RALYL: variants seen among roughly 807,000 people sequenced by gnomAD.
RALYL encodes the protein RNA-binding Raly-like protein.
A neutral mutation model predicts 35.1 loss-of-function variants in RALYL; 29 were observed. The observed-to-expected ratio is 0.83, with a 90% CI of 0.61 to 1.13. The LOEUF (loss-of-function observed/expected upper bound fraction) is 1.13, where lower values mean the gene tolerates loss of function less well. Among genes scored for constraint, RALYL ranks in the 50% most tolerant of loss-of-function variants. The pLI is 0.00. For synonymous variants in RALYL, 120 were observed against 127.6 expected (o/e 0.94, Z 0.40); for missense variants, 359 against 360.4 (o/e 1.00, Z 0.03).
chr8:84,860,826 A>C (rs1490261421), intron 5 of RALYL, among the ~76,000 whole-genome samples: 1 of 152,084 alleles, frequency 6.6e-6, no homozygotes, highest in African/African-American at 2.4e-5. Flanking sequence ...TAAGTCTCTA[A>C]TGTAGGAGAT....
At chr8:84,774,865 C>T (rs1313073244) in intron 3 of RALYL, among the ~76,000 whole-genome samples, 1 of 152,154 alleles carries the variant, frequency 6.6e-6, no homozygotes, top group Non-Finnish European at 1.5e-5. Flanking sequence ...TTATACAACC[C>T]TTCTACGAGA....
chr8:84,208,115 T>G (rs146280998), intron 1 of RALYL, among the ~76,000 whole-genome samples: 281 of 152,242 alleles, frequency 1.8e-3, no homozygotes, highest in African/African-American at 6.6e-3. Flanking sequence ...ATGGGCTGTT[T>G]GGTACACATA....
intron 2 of RALYL, among the ~76,000 whole-genome samples, chr8:84,725,844 A>G (rs371312822): frequency 6.6e-6 from 1 of 151,746 alleles, no homozygotes; most frequent in Admixed American, 6.6e-5. Flanking sequence ...AATATATTTT[A>G]TGGATATTTT....
chr8:84,595,724 C>G, intron 2 of RALYL, among the ~76,000 whole-genome samples: 1 of 151,178 alleles, frequency 6.6e-6, no homozygotes. Context: ...TTATTTTTTC[C>G]TCTCTAGAAA....
chr8:84,427,858 G>A (rs1422714630), intron 1 of RALYL, among the ~76,000 whole-genome samples: 3 of 152,096 alleles, frequency 2.0e-5, no homozygotes, highest in Non-Finnish European at 4.4e-5. Flanking sequence ...TGTGTTGACT[G>A]TGGTCTTCTT....
intron 2 of RALYL, among the ~76,000 whole-genome samples, chr8:84,669,604 T>C (rs555118608): frequency 6.6e-6 from 1 of 151,588 alleles, no homozygotes; most frequent in Non-Finnish European, 1.5e-5. Flanking sequence ...GGTATTCTGT[T>C]CCTGCATTAA....
At chr8:84,817,546 A>ATTATTATTATTATTATTAATTT (rs1827629293) in intron 4 of RALYL, among the ~76,000 whole-genome samples, 1 of 149,244 alleles carries the variant, frequency 6.7e-6, no homozygotes, top group Non-Finnish European at 1.5e-5. Flanking sequence ...TATTATTATT[A>ATTATTATTATTATTATTAATTT]TTATTATTAT....
intron 6 of RALYL, chr8:84,872,558 A>G (rs1280332070): frequency 2.0e-5 from 3 of 152,164 alleles, no homozygotes; most frequent in Admixed American, 2.0e-4. Flanking sequence ...ACTTGGCAAA[A>G]TGAAAAATTG....
intron 2 of RALYL, among the ~76,000 whole-genome samples, chr8:84,743,425 C>A (rs537293074): frequency 6.6e-6 from 1 of 151,792 alleles, no homozygotes; most frequent in Non-Finnish European, 1.5e-5. Context: ...GATTGTCTTC[C>A]CCTCACCACC....
chr8:84,722,788 A>G (rs907038777), intron 2 of RALYL, among the ~76,000 whole-genome samples: 1 of 150,266 alleles, frequency 6.7e-6, no homozygotes, highest in African/African-American at 2.4e-5. Context: ...ATAACACTAG[A>G]TATATACATA....
At chr8:84,681,733 G>C (rs1009549901) in intron 2 of RALYL, among the ~76,000 whole-genome samples, 1 of 152,144 alleles carries the variant, frequency 6.6e-6, no homozygotes, top group East Asian at 1.9e-4. Flanking sequence ...CTTAAGGAGA[G>C]TTTGGGCTGA....
At chr8:84,507,038 G>A (rs1237234411) in intron 1 of RALYL, among the ~76,000 whole-genome samples, 1 of 151,996 alleles carries the variant, frequency 6.6e-6, no homozygotes, top group Non-Finnish European at 1.5e-5. Context: ...AAAGTGCCTA[G>A]AACTTACTAT....
At chr8:84,687,824 A>T (rs912540737) in intron 2 of RALYL, among the ~76,000 whole-genome samples, 3 of 152,004 alleles carry the variant, frequency 2.0e-5, no homozygotes, top group Non-Finnish European at 4.4e-5. Context: ...GAAATTGCTG[A>T]GATTGTTAAT....
At chr8:84,444,149 T>TTTA (rs1414310177) in intron 1 of RALYL, among the ~76,000 whole-genome samples, 1 of 152,004 alleles carries the variant, frequency 6.6e-6, no homozygotes, top group Non-Finnish European at 1.5e-5. Flanking sequence ...GGCAACATAG[T>TTTA]GAGACTCCAT....
At chr8:84,437,087 A>T (rs146990357) in intron 1 of RALYL, among the ~76,000 whole-genome samples, 1 of 152,112 alleles carries the variant, frequency 6.6e-6, no homozygotes, top group East Asian at 1.9e-4. Flanking sequence ...TGTGTGTCCA[A>T]TGTTTAGCTC....
At chr8:84,311,726 A>G (rs1203361997) in intron 1 of RALYL, among the ~76,000 whole-genome samples, 2 of 152,308 alleles carry the variant, frequency 1.3e-5, no homozygotes, top group African/African-American at 4.8e-5. Flanking sequence ...TCTGAAAATG[A>G]AGAGTAATGA....
At chr8:84,565,750 T>A (rs1020535309) in intron 2 of RALYL, among the ~76,000 whole-genome samples, 1 of 151,614 alleles carries the variant, frequency 6.6e-6, no homozygotes, top group Non-Finnish European at 1.5e-5. Context: ...TACATTAATT[T>A]AGGTGCAAAT....
intron 1 of RALYL, among the ~76,000 whole-genome samples, chr8:84,501,094 A>C (rs151301322): frequency 1.3e-5 from 2 of 152,258 alleles, no homozygotes; most frequent in East Asian, 3.9e-4. Flanking sequence ...AATTCTTATC[A>C]TAGTCATTAA....
chr8:84,750,504 C>A (rs114421381), intron 2 of RALYL, among the ~76,000 whole-genome samples: 2,589 of 152,102 alleles, frequency 0.017, 72 homozygotes, highest in African/African-American at 0.059. Flanking sequence ...GCTCTCATGC[C>A]CCCTACCATG....
Sources: allele counts gnomAD v4.1 joint callset (sites outside exome capture counted in the v4.1 genomes callset), GRCh38; gene constraint gnomAD v4.1.1; transcripts MANE v1.5; gene names NCBI Gene and HGNC (gene_info 2026-07-23, HGNC 2026-07-21).